The following LLGL1 variants were observed in gnomAD, a reference collection of about 807,000 sequenced individuals.
LLGL1 encodes the protein lethal(2) giant larvae protein homolog 1.
LLGL1 carries 58 observed loss-of-function variants against 110.6 expected under a neutral mutation model. The ratio of observed to expected loss-of-function variants is 0.52; its 90% CI spans 0.42 to 0.65. The LOEUF (loss-of-function observed/expected upper bound fraction) is 0.65, where lower values mean the gene tolerates loss of function less well. Among genes scored for constraint, LLGL1 ranks in the 30% least tolerant of loss-of-function variants. The pLI, the probability that LLGL1 is intolerant of heterozygous loss-of-function variation, is 0.00. For missense variants in LLGL1, 1,229 were observed against 1,462.1 expected (o/e 0.84, Z 2.60); for synonymous variants, 674 against 607.2 (o/e 1.11, Z -1.62).
At chr17:18,227,285 C>G (rs1393720301) in intron 1 of LLGL1, among the ~76,000 whole-genome samples, 2 of 152,154 alleles carry the variant, frequency 1.3e-5, no homozygotes, top group African/African-American at 4.8e-5. Context: ...GCTGGTGCTC[C>G]GTGGTCCCCA....
intron 22 of LLGL1, 23 bp downstream of exon 22, chr17:18,242,845 GTCCTC>G: frequency 6.5e-7 from 1 of 1,536,964 alleles, no homozygotes; most frequent in East Asian, 2.4e-5. Context: ...TGGGGCCCTG[GTCCTC>G]ACCACTGGTG....
intron 2 of LLGL1, among the ~76,000 whole-genome samples, 180 bp downstream of exon 2, chr17:18,230,218 C>T (rs1167310768): frequency 6.6e-6 from 1 of 152,130 alleles, no homozygotes; most frequent in Admixed American, 6.5e-5. Flanking sequence ...GACAACTGTG[C>T]AGAGATGATG....
chr17:18,233,521 C>T (rs2047615956), intron 4 of LLGL1, among the ~76,000 whole-genome samples: 1 of 152,088 alleles, frequency 6.6e-6, no homozygotes, highest in Admixed American at 6.5e-5. Context: ...CTGTCCTCTC[C>T]TGGTGGGTGG....
rs777531029 is a variant in LLGL1, at chr17:18,242,272, G to A, written c.2989G>A (p.Gly997Arg). 6.2e-7 allele frequency: 1 copy of A among 1,613,344 alleles called. No individual in the cohort carries two copies. The highest frequency in any genetic ancestry group is 1.7e-5 in the Admixed American group (1 of 60,006). Residue 997 changes from glycine to arginine, a missense_variant, in exon 20 of 23, where the codon GGA (glycine) becomes AGA (arginine). Transcript: ENST00000316843. ...DGSPDPAHSMGPDTPEPPEAA... is the reference protein window; with the variant it reads ...DGSPDPAHSMRPDTPEPPEAA... ...AAGCCCTGATCCAGCCCACAGCATG[G>A]GACCTGGTGAGGGGGGCATGAAAGG... is the stretch of plus-strand genomic sequence containing the variant.
rs2047946097 is a variant in LLGL1 at position 18,244,676 on chromosome 17, C to G, written c.*770C>G. On this transcript the variant is annotated 3_prime_UTR_variant, in exon 23 of 23. Coordinates refer to ENST00000316843, the MANE Select transcript of LLGL1 (RefSeq NM_004140.4). ...GCGGGCATGGATGTGACTGGGAGCT[C>G]TGCTGGGCACCCACATCTGGGGCCT... is the stretch of plus-strand genomic sequence containing the variant. 1 of 131,660 alleles carries G rather than the reference C, an allele frequency of 7.6e-6. No homozygotes were observed. Among genetic ancestry groups the G allele is most frequent in the Non-Finnish European group, 1.5e-5 (1 of 68,670 alleles). 8.2% of individuals were successfully genotyped at this position (131,660 alleles called of 1,614,324 possible).
At chr17:18,239,582 G>A (rs2047777354) in intron 16 of LLGL1, among the ~76,000 whole-genome samples, 1 of 152,064 alleles carries the variant, frequency 6.6e-6, no homozygotes, top group African/African-American at 2.4e-5. Context: ...AGATGTCACT[G>A]ACAGCCACTG....
Position 18,234,854 on chromosome 17 carries a change from C to T in LLGL1, c.921C>T (p.Ile307=), listed in dbSNP as rs1356543382. The T allele has an allele frequency of 4.3e-6, 7 of 1,614,098 alleles. No homozygotes were observed. The highest frequency in any genetic ancestry group is 1.6e-4 in the Middle Eastern group (1 of 6,062). ...CTGCACATAGGGGCCACTTTATCAT[C>T]TTCAGCGGTGGCATGCCCCGTGCCA... The part of the protein sequence containing the change: ...RNCESGGHFI[I]FSGGMPRASY... The change falls in exon 9 of 23, where the codon ATC becomes ATT. Residue 307 remains isoleucine (I), a synonymous_variant. Transcript: ENST00000316843.
intron 20 of LLGL1, 69 bp downstream of exon 20, chr17:18,242,347 C>T: frequency 6.4e-7 from 1 of 1,553,740 alleles, no homozygotes; most frequent in Admixed American, 1.7e-5. Flanking sequence ...TCGGGACTCA[C>T]ATAGCTCAGG....
At position 18,236,479 on chromosome 17, in the gene LLGL1, A is replaced by C. The variant is rs7215678; in HGVS notation, c.1353-128A>C. ...AGTAGGTGCCTATTGTTTTTTGTAA[A>C]AGTAGGATTCCGGTCAGTGTTTGGC... On this transcript the variant is annotated intron_variant, in intron 11 of 22. Transcript: ENST00000316843. 0.76 allele frequency: 688,561 copies of C among 900,998 alleles called. 264,036 individuals are homozygous for C. Among genetic ancestry groups the C allele is most frequent in the African/African-American group, 0.86 (51,933 of 60,440 alleles). The allele number at this position is 900,998 out of a possible 1,614,324, so 55.8% of individuals were successfully genotyped here.
At chr17:18,229,283 C>T (rs748294421) in intron 1 of LLGL1, among the ~76,000 whole-genome samples, 5 of 152,130 alleles carry the variant, frequency 3.3e-5, no homozygotes, top group Non-Finnish European at 7.4e-5. Context: ...ACCATCTCCG[C>T]CCCTGATGGT....
At chr17:18,237,964 G>A in intron 14 of LLGL1, 103 bp from the exon 15 acceptor site, 1 of 1,415,276 alleles carries the variant, frequency 7.1e-7, no homozygotes, top group Non-Finnish European at 9.7e-7. Flanking sequence ...TGCGCCAGAG[G>A]GGCTGTGACT....
At chr17:18,241,175 G>C (rs1403053473) in intron 17 of LLGL1, 4 of 591,528 alleles carry the variant, frequency 6.8e-6, no homozygotes, top group Admixed American at 3.1e-5. Flanking sequence ...GCTCTGCCTC[G>C]AAAGAACTCG....
intron 20 of LLGL1, 71 bp from the exon 21 acceptor site, chr17:18,242,437 T>G (rs1268240187): frequency 6.2e-7 from 1 of 1,600,684 alleles, no homozygotes; most frequent in Non-Finnish European, 8.5e-7. Context: ...CTTATGGGTC[T>G]GTGTCCCTAG....
At chr17:18,238,648 G>T in intron 16 of LLGL1, 39 bp downstream of exon 16, 3 of 1,579,490 alleles carry the variant, frequency 1.9e-6, no homozygotes, top group South Asian at 1.1e-5. Flanking sequence ...GCAAGGGTTG[G>T]GGGGGCTGGC....
At chr17:18,228,450 C>T (rs1371874536) in intron 1 of LLGL1, among the ~76,000 whole-genome samples, 1 of 152,216 alleles carries the variant, frequency 6.6e-6, no homozygotes, top group Non-Finnish European at 1.5e-5. Flanking sequence ...CATAGGATCC[C>T]TCTGGCCTCT....
chr17:18,238,176 G>A lies in LLGL1; in HGVS notation c.2014G>A (p.Val672Ile). Residue 672 changes from valine to isoleucine, a missense_variant, in exon 15 of 23, where the codon GTC (valine) becomes ATC (isoleucine). Transcript: ENST00000316843. ...QSFRRIRKSR[V>I]SGKKRAANAS... is the part of the protein sequence containing the mutation. ...TTTCCGGCGCATTCGCAAGAGTCGT[G>A]TCTCTGGCAAGAAGCGGGCTGCTAA... 6.2e-7 allele frequency: 1 copy of A among 1,612,982 alleles called. No homozygotes were observed. The highest frequency in any genetic ancestry group is 1.1e-5 in the South Asian group (1 of 91,088).
intron 1 of LLGL1, among the ~76,000 whole-genome samples, chr17:18,229,113 G>A (rs2047513550): frequency 6.6e-6 from 1 of 152,208 alleles, no homozygotes; most frequent in Non-Finnish European, 1.5e-5. Flanking sequence ...CTGCACTGGT[G>A]TTCAGGATGG....
At chr17:18,243,850 C>T (rs1404130013) in intron 22 of LLGL1, 58 bp from the exon 23 acceptor site, 2 of 152,468 alleles carry the variant, frequency 1.3e-5, no homozygotes, top group African/African-American at 4.8e-5. Context: ...TGTGGCAATC[C>T]ATCTGCCCTT....
At chr17:18,238,670 A>G (rs1209505411) in intron 16 of LLGL1, 61 bp downstream of exon 16, 28 of 1,522,288 alleles carry the variant, frequency 1.8e-5, no homozygotes, top group Non-Finnish European at 1.8e-6. Context: ...TCAATTGGCC[A>G]CCTGGGAGAT....
Sources: gnomAD v4.1 joint callset for allele counts (sites outside exome capture counted in the v4.1 genomes callset) on GRCh38, gnomAD v4.1.1 for gene constraint, MANE v1.5 for transcripts, NCBI Gene and HGNC (gene_info 2026-07-23, HGNC 2026-07-21) for gene names.